The following CCDC158 variants were observed in gnomAD, a reference collection of about 807,000 sequenced individuals.
CCDC158 encodes the protein coiled-coil domain containing 158, also known as coiled-coil domain-containing protein 158.
CCDC158 carries 116 observed loss-of-function variants against 138.6 expected under a neutral mutation model. The observed-to-expected ratio is 0.84, with a 90% CI of 0.72 to 0.98. CCDC158 has a LOEUF of 0.98. CCDC158 is among the 50% of genes least tolerant of loss of function. The probability of loss-of-function intolerance (pLI) is 0.00; values close to 1 mark genes in which losing one functional copy is unlikely to be tolerated. For missense variants in CCDC158, 1,265 were observed against 1,306.1 expected, an observed-to-expected ratio of 0.97 and a Z score of 0.48; for synonymous variants, 436 against 442.4, an observed-to-expected ratio of 0.99 and a Z score of 0.18.
At chr4:76,345,231 G>C in intron 18 of CCDC158, 1 of 935,364 alleles carries the variant, frequency 1.1e-6, no homozygotes, top group Non-Finnish European at 1.8e-6. Flanking sequence ...AGTTTCATCA[G>C]ATGAAGATCT....
chr4:76,318,969 A>G (rs548055097), intron 24 of CCDC158, among the ~76,000 whole-genome samples: 1 of 152,074 alleles, frequency 6.6e-6, no homozygotes, highest in Non-Finnish European at 1.5e-5. Context: ...CACTACTAAG[A>G]ATACAAAAAT....
At chr4:76,384,517 G>A in intron 5 of CCDC158, 39 bp downstream of exon 5, 1 of 1,560,134 alleles carries the variant, frequency 6.4e-7, no homozygotes, top group East Asian at 2.2e-5. Context: ...TTCACATAAT[G>A]AAAATATGTG....
intron 14 of CCDC158, among the ~76,000 whole-genome samples, chr4:76,355,681 G>A (rs1234895188): frequency 6.6e-6 from 1 of 151,934 alleles, no homozygotes; most frequent in Non-Finnish European, 1.5e-5. Context: ...TAGGGTTTTT[G>A]CCACTGGGAT....
rs770692338 is a variant in CCDC158, at chr4:76,351,059, T to C, written c.2601A>G (p.Ala867=). 30 of 1,613,872 alleles carry C rather than the reference T, an allele frequency of 1.9e-5. No individual in the cohort carries two copies. Among genetic ancestry groups the C allele is most frequent in the Non-Finnish European group, 2.3e-5 (27 of 1,179,906 alleles). The change falls in exon 18 of 25, where the codon GCA becomes GCG. Residue 867 remains alanine, a synonymous_variant. Coordinates refer to ENST00000682701, the MANE Select transcript of CCDC158 (RefSeq NM_001394954.1). ...SSLKPRLLQP[A]SVTRSHSNVP... ...CATTAGAATGAGAACGAGTAACAGA[T>C]GCTGGCTGGAGAAGGCGTGGTTTCA...
intron 13 of CCDC158, among the ~76,000 whole-genome samples, chr4:76,360,743 A>G (rs1724051222): frequency 6.6e-6 from 1 of 152,132 alleles, no homozygotes; most frequent in South Asian, 2.1e-4. Context: ...GAAGTAATTA[A>G]CTTGTTTTTT....
chr4:76,371,227 G>T (rs1465610595), intron 10 of CCDC158, among the ~76,000 whole-genome samples, 190 bp downstream of exon 10: 1 of 152,104 alleles, frequency 6.6e-6, no homozygotes, highest in Non-Finnish European at 1.5e-5. Flanking sequence ...CTCTGCTTAA[G>T]AAAAAAGTTA....
intron 18 of CCDC158, among the ~76,000 whole-genome samples, chr4:76,337,121 T>C (rs577364484): frequency 3.3e-5 from 5 of 152,056 alleles, no homozygotes; most frequent in Non-Finnish European, 7.4e-5. Flanking sequence ...GCTGAGACTA[T>C]AGGTGCATGC....
At chr4:76,332,002 A>G (rs548073531) in intron 20 of CCDC158, among the ~76,000 whole-genome samples, 1 of 152,220 alleles carries the variant, frequency 6.6e-6, no homozygotes, top group South Asian at 2.1e-4. Context: ...AAAATTTTTC[A>G]TTTAAGAATT....
Position 76,357,439 on chromosome 4 carries a change from G to T in CCDC158, c.2108C>A (p.Ser703Tyr). ...TTNKLKMQLK[S>Y]AQSELEQTRN... ...TGTCTGTTCTAGTTCAGACTGTGCA[G>T]ATTTTAATTGCATTTTCAACTTATT... The change falls in exon 14 of 25, where the codon TCT (serine) becomes TAT (tyrosine). Residue 703 changes from serine (S) to tyrosine (Y), a missense_variant. Transcript: ENST00000682701. 6.2e-7 allele frequency: 1 copy of T among 1,604,030 alleles called. No individual in the cohort carries two copies. Among genetic ancestry groups the T allele is most frequent in the South Asian group, 1.1e-5 (1 of 88,644 alleles).
At position 76,382,649 on chromosome 4, in the gene CCDC158, C is replaced by A; in HGVS notation, c.875G>T (p.Ser292Ile). 2.5e-6 allele frequency: 4 copies of A among 1,613,510 alleles called. No homozygotes were observed. The highest frequency in any genetic ancestry group is 3.4e-6 in the Non-Finnish European group (4 of 1,179,650). Residue 292 changes from serine to isoleucine, a missense_variant, in exon 8 of 25, where the codon AGC becomes ATC. By Grantham distance (142) the Ser-to-Ile change is moderately radical. Coordinates refer to ENST00000682701, the MANE Select transcript of CCDC158 (RefSeq NM_001394954.1). ...GLTEKASSAR[S>I]QANSIQSQME... Reference sequence around the variant, plus strand: ...TTGACTCTGGATACTATTGGCTTGGCTTCGAGCACTGCTAGCTTTCTCAGT... The same window carrying A: ...TTGACTCTGGATACTATTGGCTTGGATTCGAGCACTGCTAGCTTTCTCAGT...
chr4:76,398,537 G>A (rs764947077), intron 3 of CCDC158, among the ~76,000 whole-genome samples: 1 of 151,866 alleles, frequency 6.6e-6, no homozygotes, highest in Non-Finnish European at 1.5e-5. Context: ...GTGTGGTGGT[G>A]TGTGCCTGTA....
chr4:76,408,850 T>G (rs932341104), intron 2 of CCDC158, among the ~76,000 whole-genome samples: 2 of 152,192 alleles, frequency 1.3e-5, no homozygotes, highest in African/African-American at 4.8e-5. Flanking sequence ...CAGCACCTGT[T>G]GTTTCCTGAC....
intron 18 of CCDC158, among the ~76,000 whole-genome samples, chr4:76,346,501 A>G (rs1395043793): frequency 1.1e-4 from 17 of 152,314 alleles, no homozygotes; most frequent in African/African-American, 2.6e-4. Context: ...CACAAGGTCA[A>G]GAGATTGAGA....
At chr4:76,343,966 C>T (rs1722301100) in intron 18 of CCDC158, among the ~76,000 whole-genome samples, 1 of 152,152 alleles carries the variant, frequency 6.6e-6, no homozygotes, top group Admixed American at 6.6e-5. Context: ...CCCTCTCTCA[C>T]CACTCCTATT....
chr4:76,368,652 G>A (rs1724924399), intron 11 of CCDC158, among the ~76,000 whole-genome samples: 1 of 152,102 alleles, frequency 6.6e-6, no homozygotes, highest in South Asian at 2.1e-4. Flanking sequence ...GCACCGGAAT[G>A]GAATGCACTC....
At chr4:76,386,305 G>T (rs184106262) in intron 4 of CCDC158, among the ~76,000 whole-genome samples, 98 of 152,362 alleles carry the variant, frequency 6.4e-4, no homozygotes, top group African/African-American at 2.3e-3. Context: ...CAGGAAAATA[G>T]GGTCTGGAGG....
In CCDC158 at chr4:76,353,167, G is replaced by A. The variant is rs749566655; in HGVS notation, c.2401C>T (p.Arg801Cys). The A allele has an allele frequency of 1.3e-5, 21 of 1,613,456 alleles. No homozygotes were observed. The South Asian group carries it at 1.6e-4, about 13-fold the overall frequency. ...ATATTAGTAACCTTTTCTTTCAAACGGCGTTCCTGAGATCGCAGAACTTCC... is the reference window on the plus strand; with the variant it reads ...ATATTAGTAACCTTTTCTTTCAAACAGCGTTCCTGAGATCGCAGAACTTCC... ...ELEVLRSQERRLKEKVTNMEV... is the reference protein window; with the variant it reads ...ELEVLRSQERCLKEKVTNMEV... Residue 801 changes from arginine to cysteine, a missense_variant, in exon 16 of 25, where the codon CGT (arginine) becomes TGT (cysteine). Physicochemically the swap from Arg to Cys is radical, Grantham distance 180. Coordinates refer to ENST00000682701, the MANE Select transcript of CCDC158 (RefSeq NM_001394954.1).
Position 76,321,718 on chromosome 4 carries a change from A to C in CCDC158, c.3277+1584T>G, listed in dbSNP as rs193092723. On this transcript the variant is annotated intron_variant, in intron 24 of 24. Transcript: ENST00000682701. ...TGGTGTGTGTATATATATATATGAT[A>C]TATTTACATGGTGTGTACACATATA... Among the ~76,000 whole-genome samples, 524 of 146,492 alleles carry C rather than the reference A, an allele frequency of 3.6e-3. 2 individuals are homozygous for C. The highest frequency in any genetic ancestry group is 0.012 in the African/African-American group (500 of 40,224).
chr4:76,384,546 A>C lies in CCDC158; in HGVS notation c.398+10T>G, dbSNP rs1305797266. ...ATATGTGACTTTAAAATAATTTCAC[A>C]AATCCCAACCTGATGTCAGCCATAG... On this transcript the variant is annotated intron_variant, in intron 5 of 24. Coordinates refer to ENST00000682701, the MANE Select transcript of CCDC158 (RefSeq NM_001394954.1). 10 of 1,596,784 alleles carry C rather than the reference A, an allele frequency of 6.3e-6. No homozygotes were observed. The highest frequency in any genetic ancestry group is 8.5e-6 in the Non-Finnish European group (10 of 1,173,088).
Sources: allele counts gnomAD v4.1 joint callset (sites outside exome capture counted in the v4.1 genomes callset), GRCh38; gene constraint gnomAD v4.1.1; transcripts MANE v1.5; gene names NCBI Gene and HGNC (gene_info 2026-07-23, HGNC 2026-07-21).